Variants in TENM2 observed in about 807,000 individuals in gnomAD.
The protein encoded by TENM2 is teneurin transmembrane protein 2.
A neutral mutation model predicts 245.2 loss-of-function variants in TENM2; 52 were observed. The observed-to-expected ratio is 0.21, with a 90% CI of 0.17 to 0.27. The LOEUF (loss-of-function observed/expected upper bound fraction) is 0.27. TENM2 is among the 10% of genes least tolerant of loss of function. The pLI is 1.00. For missense variants in TENM2, 3,046 were observed against 3,666.8 expected, an observed-to-expected ratio of 0.83 and a Z score of 4.37; for synonymous variants, 1,363 against 1,438.9, an observed-to-expected ratio of 0.95 and a Z score of 1.19.
chr5:167,084,848 T>C, the TENM2 span, among the ~76,000 whole-genome samples: 1 of 152,148 alleles, frequency 6.6e-6, no homozygotes, highest in East Asian at 1.9e-4. Flanking sequence ...ACTCAATGAA[T>C]GTCTTGACCA....
chr5:167,125,629 T>C, the TENM2 span, among the ~76,000 whole-genome samples: 1 of 152,202 alleles, frequency 6.6e-6, no homozygotes, highest in Non-Finnish European at 1.5e-5. Flanking sequence ...TGATATATAT[T>C]CTATACATAC....
chr5:167,714,718 C>G (rs1336331767), intron 2 of TENM2, among the ~76,000 whole-genome samples: 1 of 152,156 alleles, frequency 6.6e-6, no homozygotes, highest in Non-Finnish European at 1.5e-5. Context: ...GAAATGTCGA[C>G]CAGCACCAAT....
At chr5:167,511,737 G>GTT in intron 2 of TENM2, among the ~76,000 whole-genome samples, 1 of 152,176 alleles carries the variant, frequency 6.6e-6, no homozygotes, top group African/African-American at 2.4e-5. Context: ...AGTTGAAAGA[G>GTT]AGGTGATCAA....
chr5:167,837,993 G>A (rs1769160879), intron 2 of TENM2, among the ~76,000 whole-genome samples: 1 of 152,096 alleles, frequency 6.6e-6, no homozygotes, highest in African/African-American at 2.4e-5. Flanking sequence ...GAATCCCTTT[G>A]TGCATCCCCA....
intron 2 of TENM2, among the ~76,000 whole-genome samples, chr5:167,634,125 C>G (rs1404155506): frequency 6.6e-6 from 1 of 152,180 alleles, no homozygotes; most frequent in Non-Finnish European, 1.5e-5. Context: ...TTCAAAAAAT[C>G]TCAACAAGTG....
At chr5:168,154,812 C>T (rs1482148715) in intron 12 of TENM2, among the ~76,000 whole-genome samples, 3 of 152,226 alleles carry the variant, frequency 2.0e-5, no homozygotes, top group African/African-American at 7.2e-5. Context: ...GAAAGGATCA[C>T]TGGCCTCCTA....
intron 2 of TENM2, among the ~76,000 whole-genome samples, chr5:167,729,345 A>G (rs1275381660): frequency 1.3e-5 from 2 of 152,238 alleles, no homozygotes; most frequent in African/African-American, 4.8e-5. Context: ...TTGCAAGTGA[A>G]TAGACCACTA....
At chr5:168,187,734 T>A (rs1382949749) in intron 13 of TENM2, 2 of 152,218 alleles carry the variant, frequency 1.3e-5, no homozygotes, top group African/African-American at 4.8e-5. Context: ...TCCTCCAGAT[T>A]GGACAGCCTG....
At chr5:168,175,756 G>C (rs1738337949) in intron 13 of TENM2, among the ~76,000 whole-genome samples, 1 of 152,190 alleles carries the variant, frequency 6.6e-6, no homozygotes, top group African/African-American at 2.4e-5. Context: ...AATCCATGGA[G>C]AAGACAGATG....
At chr5:167,265,765 A>T in the TENM2 span, among the ~76,000 whole-genome samples, 132,841 of 152,176 alleles carry the variant, frequency 0.87, 58,851 homozygotes, top group East Asian at 0.98. Context: ...TGACCTCACA[A>T]TTTCCAAGCA....
At chr5:167,523,595 T>C (rs1188718713) in intron 2 of TENM2, among the ~76,000 whole-genome samples, 1 of 152,246 alleles carries the variant, frequency 6.6e-6, no homozygotes, top group Non-Finnish European at 1.5e-5. Flanking sequence ...AAGAGTCTAC[T>C]CATGACAAAT....
intron 5 of TENM2, among the ~76,000 whole-genome samples, chr5:168,023,884 T>G (rs1293875221): frequency 6.6e-6 from 1 of 152,152 alleles, no homozygotes; most frequent in African/African-American, 2.4e-5. Context: ...CATTCTCACT[T>G]TCCTCTAAGT....
At chr5:167,329,110 T>C (rs1019726313) in intron 1 of TENM2, among the ~76,000 whole-genome samples, 1 of 152,158 alleles carries the variant, frequency 6.6e-6, no homozygotes. Flanking sequence ...GTTGAGTTAT[T>C]GGCTTCATGC....
At chr5:167,952,742 C>A in exon 4 of TENM2, 1 of 1,593,214 alleles carries the variant, frequency 6.3e-7, no homozygotes. Flanking sequence ...CCCCAGCGCC[C>A]AATGACCTGG....
rs1342259680 is a variant in TENM2 at position 168,196,530 on chromosome 5, C to T, written c.2900+1235C>T. 2.6e-5 allele frequency among the ~76,000 whole-genome samples: 4 copies of T among 152,122 alleles called. No individual in the cohort carries two copies. The East Asian group carries it at 5.8e-4, about 22-fold the overall frequency. ...AGGCTGGAGTGCAATGGCGCAATCT[C>T]GGCTCACTGCAACCTCCGCCTCCTG... On this transcript the variant is annotated intron_variant, in intron 15 of 28. Transcript: ENST00000518659.
chr5:167,771,075 A>T (rs1763371222), intron 2 of TENM2, among the ~76,000 whole-genome samples: 1 of 152,124 alleles, frequency 6.6e-6, no homozygotes, highest in Non-Finnish European at 1.5e-5. Flanking sequence ...AGGAGAGGGG[A>T]GAGAGAAGAG....
chr5:167,338,285 C>T (rs1439854029), intron 1 of TENM2, among the ~76,000 whole-genome samples: 1 of 152,184 alleles, frequency 6.6e-6, no homozygotes, highest in Non-Finnish European at 1.5e-5. Flanking sequence ...TTCCCCACCC[C>T]ATGGAACTAA....
At chr5:168,214,794 A>G (rs1001665302) in intron 20 of TENM2, 1 of 594,048 alleles carries the variant, frequency 1.7e-6, no homozygotes, top group Non-Finnish European at 3.2e-6. Context: ...TAAATGAAGC[A>G]ACAGTTGTTT....
intron 2 of TENM2, among the ~76,000 whole-genome samples, chr5:167,741,241 C>T (rs192429013): frequency 1.3e-5 from 2 of 152,274 alleles, no homozygotes; most frequent in Admixed American, 1.3e-4. Flanking sequence ...GACTTTGGCA[C>T]TTTATGTTGT....
Sources: allele counts gnomAD v4.1 joint callset (sites outside exome capture counted in the v4.1 genomes callset), GRCh38; gene constraint gnomAD v4.1.1; transcripts MANE v1.5; gene names NCBI Gene and HGNC (gene_info 2026-07-23, HGNC 2026-07-21).